CDH4: variants seen among roughly 807,000 people sequenced by gnomAD.
CDH4 encodes the protein cadherin-4.
A neutral mutation model predicts 86.0 loss-of-function variants in CDH4; 33 were observed. That is an observed-to-expected ratio of 0.38 (90% CI 0.29 to 0.51). The LOEUF (loss-of-function observed/expected upper bound fraction) is 0.51. CDH4 is among the 20% of genes least tolerant of loss of function. CDH4 has a pLI of 0.86. For synonymous variants in CDH4, 555 were observed against 549.4 expected (o/e 1.01, Z -0.14); for missense variants, 1,114 against 1,307.4 (o/e 0.85, Z 2.28).
intron 2 of CDH4, among the ~76,000 whole-genome samples, chr20:61,521,719 G>C (rs2085870334): frequency 6.6e-6 from 1 of 152,150 alleles, no homozygotes. Context: ...ATAAGAGGGG[G>C]GTGGGTGTGG....
chr20:61,716,130 C>A (rs372144818), intron 2 of CDH4, among the ~76,000 whole-genome samples: 1 of 151,722 alleles, frequency 6.6e-6, no homozygotes, highest in Non-Finnish European at 1.5e-5. Flanking sequence ...GTGAGCCACC[C>A]CTTGGCTGGA....
chr20:61,436,197 C>G (rs1434009611), intron 2 of CDH4, among the ~76,000 whole-genome samples: 1 of 152,190 alleles, frequency 6.6e-6, no homozygotes, highest in Non-Finnish European at 1.5e-5. Flanking sequence ...TTGCTCCTCT[C>G]TTAAGCACCA....
intron 2 of CDH4, among the ~76,000 whole-genome samples, chr20:61,732,411 G>T (rs1236779648): frequency 6.6e-6 from 1 of 152,050 alleles, no homozygotes; most frequent in Non-Finnish European, 1.5e-5. Flanking sequence ...GGGGCTCCCG[G>T]AGCCCACAGG....
At chr20:61,730,728 A>G (rs2088169131) in intron 2 of CDH4, among the ~76,000 whole-genome samples, 2 of 152,330 alleles carry the variant, frequency 1.3e-5, no homozygotes, top group African/African-American at 4.8e-5. Context: ...CTGAGCAGCC[A>G]TCAGTGGAGA....
At chr20:61,454,243 C>G (rs2085395444) in intron 2 of CDH4, among the ~76,000 whole-genome samples, 1 of 152,146 alleles carries the variant, frequency 6.6e-6, no homozygotes, top group Non-Finnish European at 1.5e-5. Context: ...GGAGACAGTT[C>G]CTATCCTCAC....
chr20:61,702,966 T>C (rs60011289), intron 2 of CDH4, among the ~76,000 whole-genome samples: 1,654 of 152,292 alleles, frequency 0.011, 34 homozygotes, highest in African/African-American at 0.037. Flanking sequence ...AGAGGCTGTG[T>C]GCGTGCGGCC....
intron 2 of CDH4, among the ~76,000 whole-genome samples, chr20:61,472,035 G>C (rs540433411): frequency 8.5e-5 from 13 of 152,282 alleles, no homozygotes; most frequent in Admixed American, 6.5e-4. Context: ...CTGTACTGCA[G>C]ATTAACTCTG....
chr20:61,584,856 C>T (rs1027794804), intron 2 of CDH4, among the ~76,000 whole-genome samples: 3 of 37,360 alleles, frequency 8.0e-5, no homozygotes, highest in African/African-American at 3.8e-4. Context: ...GCAGCTCTCC[C>T]GCACTGCACA....
intron 2 of CDH4, among the ~76,000 whole-genome samples, chr20:61,732,279 A>ATGT (rs1256879153): frequency 1.3e-5 from 2 of 152,152 alleles, no homozygotes; most frequent in African/African-American, 4.8e-5. Context: ...GATATTCCAA[A>ATGT]CCAACACTCA....
chr20:61,674,794 A>T lies in CDH4; in HGVS notation c.170-68769A>T, dbSNP rs547302427. ...TTCATGCTGATTGACTGCTCAGCCCAGTTAGAACCAGCACAGCCCTAGAAC... is the reference window on the plus strand; with the variant it reads ...TTCATGCTGATTGACTGCTCAGCCCTGTTAGAACCAGCACAGCCCTAGAAC... On this transcript the variant is annotated intron_variant, in intron 2 of 15. Transcript: ENST00000614565. 8.5e-5 allele frequency among the ~76,000 whole-genome samples: 13 copies of T among 152,332 alleles called. No individual in the cohort carries two copies. The South Asian group carries it at 1.5e-3, about 17-fold the overall frequency.
chr20:61,294,718 C>T (rs1297171393), intron 2 of CDH4, among the ~76,000 whole-genome samples: 1 of 152,246 alleles, frequency 6.6e-6, no homozygotes, highest in Non-Finnish European at 1.5e-5. Context: ...GCATTGATGT[C>T]CTCTGGGCCG....
chr20:61,823,291 T>C (rs1401803103), intron 4 of CDH4, among the ~76,000 whole-genome samples: 1 of 48 alleles, frequency 0.021, no homozygotes, highest in Non-Finnish European at 0.056. Context: ...TTGATGGTAA[T>C]GGTGATGATC....
intron 4 of CDH4, among the ~76,000 whole-genome samples, chr20:61,813,430 G>T (rs1419182844): frequency 1.3e-5 from 2 of 152,234 alleles, no homozygotes; most frequent in African/African-American, 2.4e-5. Flanking sequence ...GAGCATCCCT[G>T]TGAGGACTCT....
At chr20:61,459,182 C>T (rs2085428022) in intron 2 of CDH4, among the ~76,000 whole-genome samples, 2 of 129,764 alleles carry the variant, frequency 1.5e-5, no homozygotes, top group Non-Finnish European at 3.6e-5. Context: ...TTCTTTAGGG[C>T]TTGTGTGGCC....
At chr20:61,890,728 A>G (rs1183584803) in intron 7 of CDH4, among the ~76,000 whole-genome samples, 1 of 152,078 alleles carries the variant, frequency 6.6e-6, no homozygotes, top group Non-Finnish European at 1.5e-5. Context: ...AGTGTAAGCT[A>G]TTTCTGGTTT....
intron 2 of CDH4, among the ~76,000 whole-genome samples, chr20:61,542,534 G>GT (rs1325536281): frequency 3.9e-5 from 6 of 152,122 alleles, no homozygotes; most frequent in African/African-American, 1.4e-4. Flanking sequence ...AAATCCTAGG[G>GT]TTTTCCATGA....
intron 2 of CDH4, among the ~76,000 whole-genome samples, chr20:61,680,504 G>C (rs558075981): frequency 2.6e-5 from 4 of 152,312 alleles, no homozygotes; most frequent in African/African-American, 9.6e-5. Context: ...AACAGTCAAG[G>C]GGACAATGCA....
intron 3 of CDH4, among the ~76,000 whole-genome samples, chr20:61,771,664 C>G (rs2088777747): frequency 6.6e-6 from 1 of 150,508 alleles, no homozygotes; most frequent in Admixed American, 6.6e-5. Context: ...GCAGTTGATG[C>G]TGTATGTATG....
intron 4 of CDH4, among the ~76,000 whole-genome samples, chr20:61,793,673 C>T (rs913448910): frequency 1.3e-5 from 2 of 151,606 alleles, no homozygotes; most frequent in Non-Finnish European, 2.9e-5. Flanking sequence ...AACCCCATCT[C>T]TACTAAAAAT....
Sources: gnomAD v4.1 joint callset for allele counts (sites outside exome capture counted in the v4.1 genomes callset) on GRCh38, gnomAD v4.1.1 for gene constraint, MANE v1.5 for transcripts, NCBI Gene and HGNC (gene_info 2026-07-23, HGNC 2026-07-21) for gene names.